CLDN16: variants seen among roughly 807,000 people sequenced by gnomAD.
The protein encoded by CLDN16 is claudin-16.
A neutral mutation model predicts 24.6 loss-of-function variants in CLDN16; 13 were observed. The ratio of observed to expected loss-of-function variants is 0.53; its 90% CI spans 0.34 to 0.84. CLDN16 has a LOEUF of 0.84. CLDN16 is among the 40% of genes least tolerant of loss of function. CLDN16 has a pLI of 0.01. For missense variants in CLDN16, 298 were observed against 292.7 expected (o/e 1.02, Z -0.13); for synonymous variants, 116 against 106.7 (o/e 1.09, Z -0.54).
chr3:190,389,213 A>G (rs980400765), intron 1 of CLDN16, among the ~76,000 whole-genome samples: 1 of 152,226 alleles, frequency 6.6e-6, no homozygotes, highest in African/African-American at 2.4e-5. Context: ...GAACTGAGTA[A>G]AAAATCAAAT....
At chr3:190,384,522 TC>T (rs1264167055), upstream of CLDN16, among the ~76,000 whole-genome samples, 1 of 152,152 alleles carries the variant, frequency 6.6e-6, no homozygotes, top group African/African-American at 2.4e-5. Context: ...TAAAGCCTCA[TC>T]CAGGAGTAGT....
At position 190,357,047 on chromosome 3, in the gene CLDN16, A is replaced by G. The variant is rs1331803785; in HGVS notation, n.122-13846A>G. On this transcript the variant is annotated intron_variant and non_coding_transcript_variant, in intron 1 of 4. Transcript: ENST00000468220. ...CTGTGGATTATTACCTGATATATTC[A>G]AAGTATATGTCATTATATCCACTTT... Among the ~76,000 whole-genome samples, 3 of 152,066 alleles carry G rather than the reference A, an allele frequency of 2.0e-5. No individual in the cohort carries two copies. The East Asian group carries it at 5.8e-4, about 29-fold the overall frequency.
the CLDN16 span, among the ~76,000 whole-genome samples, chr3:190,312,147 T>A: frequency 6.6e-6 from 1 of 151,714 alleles, no homozygotes; most frequent in Non-Finnish European, 1.5e-5. Flanking sequence ...GCCAGGCTGG[T>A]CTTGAACTCA....
intron 1 of CLDN16, among the ~76,000 whole-genome samples, chr3:190,324,071 A>C (rs572135492): frequency 1.5e-4 from 23 of 152,312 alleles, no homozygotes; most frequent in Admixed American, 2.0e-4. Flanking sequence ...CCCTGATCAG[A>C]GAAGGCACTG....
chr3:190,395,307 TAA>T (rs1259433910), intron 1 of CLDN16, among the ~76,000 whole-genome samples: 2 of 152,120 alleles, frequency 1.3e-5, no homozygotes, highest in East Asian at 3.9e-4. Flanking sequence ...TTTTAGCAAA[TAA>T]AGTCATGTTT....
At chr3:190,308,137 G>A in the CLDN16 span, 28 of 1,026,134 alleles carry the variant, frequency 2.7e-5, no homozygotes, top group Non-Finnish European at 4.2e-5. Context: ...TAACACATGG[G>A]TTTTTTGTTT....
chr3:190,297,133 A>T, the CLDN16 span, among the ~76,000 whole-genome samples: 2 of 151,580 alleles, frequency 1.3e-5, no homozygotes, highest in African/African-American at 4.9e-5. Flanking sequence ...TTGTAGAGTG[A>T]GTAGTTTCAC....
At chr3:190,316,973 T>G in the CLDN16 span, among the ~76,000 whole-genome samples, 2 of 152,202 alleles carry the variant, frequency 1.3e-5, no homozygotes, top group Admixed American at 6.5e-5. Context: ...TATTTTGATC[T>G]ATTTTTTAAA....
the CLDN16 span, among the ~76,000 whole-genome samples, chr3:190,300,073 A>T: frequency 6.6e-6 from 1 of 152,198 alleles, no homozygotes; most frequent in Non-Finnish European, 1.5e-5. Context: ...CCAAAGCTCT[A>T]TTGGCTAATT....
chr3:190,360,461 T>C (rs537919740), intron 1 of CLDN16, among the ~76,000 whole-genome samples: 1 of 151,882 alleles, frequency 6.6e-6, no homozygotes, highest in African/African-American at 2.4e-5. Flanking sequence ...GTCTTCTCAA[T>C]CATCAAAATA....
intron 3 of CLDN16, among the ~76,000 whole-genome samples, chr3:190,382,942 T>C (rs1718402989): frequency 6.6e-6 from 1 of 152,092 alleles, no homozygotes; most frequent in Admixed American, 6.6e-5. Context: ...CAAATCCAGG[T>C]GTGGGCTGCC....
the CLDN16 span, among the ~76,000 whole-genome samples, chr3:190,301,588 T>C: frequency 1.3e-5 from 2 of 152,186 alleles, no homozygotes; most frequent in Non-Finnish European, 2.9e-5. Context: ...TCTCTCTCAG[T>C]CTTTCCACTT....
chr3:190,363,556 G>GTGTGTGTGTGTGTATATATA (rs1301414615), intron 1 of CLDN16, among the ~76,000 whole-genome samples: 1 of 87,430 alleles, frequency 1.1e-5, no homozygotes, highest in African/African-American at 4.7e-5. Flanking sequence ...GTGTGTGTGT[G>GTGTGTGTGTGTGTATATATA]TATATATATA....
intron 1 of CLDN16, among the ~76,000 whole-genome samples, chr3:190,347,925 G>C (rs909485757): frequency 6.6e-6 from 1 of 151,858 alleles, no homozygotes; most frequent in African/African-American, 2.4e-5. Flanking sequence ...ACCTAGTGGT[G>C]GTACAGGGCG....
the CLDN16 span, among the ~76,000 whole-genome samples, chr3:190,314,806 A>G: frequency 1.8e-3 from 267 of 152,318 alleles, 1 homozygote; most frequent in African/African-American, 6.0e-3. Context: ...AAAATAAAAA[A>G]GAGACTTCCT....
chr3:190,322,407 A>G, upstream of CLDN16: 1 of 607,902 alleles, frequency 1.6e-6, no homozygotes. Flanking sequence ...GAGTCTGGAT[A>G]CTAGAAGCTG....
At chr3:190,387,302 A>G (rs79300611), upstream of CLDN16, among the ~76,000 whole-genome samples, 16,054 of 152,166 alleles carry the variant, frequency 0.11, 994 homozygotes, top group Non-Finnish European at 0.14. Context: ...CAGTTGCCCC[A>G]GTTACATATT....
intron 2 of CLDN16, among the ~76,000 whole-genome samples, chr3:190,404,526 C>A (rs1228348436): frequency 1.3e-5 from 2 of 152,072 alleles, no homozygotes; most frequent in Non-Finnish European, 2.9e-5. Context: ...GCTAGCATAC[C>A]AACAACAAAA....
chr3:190,329,672 C>T (rs973949869), intron 1 of CLDN16, among the ~76,000 whole-genome samples: 2 of 152,134 alleles, frequency 1.3e-5, no homozygotes, highest in African/African-American at 4.8e-5. Flanking sequence ...GATTAATATG[C>T]TCATGCAAAT....
Sources: allele counts gnomAD v4.1 joint callset (sites outside exome capture counted in the v4.1 genomes callset), GRCh38; gene constraint gnomAD v4.1.1; transcripts MANE v1.5; gene names NCBI Gene and HGNC (gene_info 2026-07-23, HGNC 2026-07-21).